The following PROM1 variants were observed in gnomAD, a reference collection of about 807,000 sequenced individuals.
PROM1 encodes prominin-1.
A neutral mutation model predicts 116.9 loss-of-function variants in PROM1; 105 were observed. The ratio of observed to expected loss-of-function variants is 0.90; its 90% CI spans 0.77 to 1.06. PROM1 has a LOEUF of 1.06. Among genes scored for constraint, PROM1 ranks in the 50% least tolerant of loss-of-function variants. PROM1 has a pLI of 0.00. For synonymous variants in PROM1, 393 were observed against 387.0 expected (o/e 1.02, Z -0.18); for missense variants, 1,122 against 1,045.2 (o/e 1.07, Z -1.01).
intron 2 of PROM1, among the ~76,000 whole-genome samples, chr4:16,041,290 T>C (rs921757207): frequency 4.6e-5 from 7 of 152,246 alleles, no homozygotes; most frequent in African/African-American, 1.7e-4. Context: ...TGATAAAGCA[T>C]TAAAAATTAT....
chr4:16,003,006 T>A (rs1724262236), intron 13 of PROM1, among the ~76,000 whole-genome samples: 1 of 152,178 alleles, frequency 6.6e-6, no homozygotes, highest in Non-Finnish European at 1.5e-5. Flanking sequence ...CGACAAAGAC[T>A]GTGTATGGCC....
chr4:16,012,768 G>A (rs2149269992), intron 11 of PROM1, among the ~76,000 whole-genome samples: 1 of 151,752 alleles, frequency 6.6e-6, no homozygotes, highest in South Asian at 2.1e-4. Context: ...CTACTCAGGA[G>A]GCTGAGGCAG....
intron 5 of PROM1, among the ~76,000 whole-genome samples, chr4:16,025,965 G>T (rs1054677086): frequency 3.3e-5 from 5 of 152,222 alleles, no homozygotes; most frequent in Non-Finnish European, 7.4e-5. Context: ...AAAAACAAGT[G>T]AAACGGTGGT....
chr4:16,005,689 A>G (rs1725297062), intron 13 of PROM1, among the ~76,000 whole-genome samples: 1 of 152,002 alleles, frequency 6.6e-6, no homozygotes, highest in Non-Finnish European at 1.5e-5. Context: ...TTGGTTCTTC[A>G]CTCCCCAAAG....
chr4:16,027,555 C>G (rs1483769224), intron 5 of PROM1, among the ~76,000 whole-genome samples: 1 of 152,130 alleles, frequency 6.6e-6, no homozygotes, highest in Non-Finnish European at 1.5e-5. Context: ...TTCACTTGAC[C>G]CTCACTGACC....
At chr4:16,078,972 G>A (rs1380651686) in intron 1 of PROM1, among the ~76,000 whole-genome samples, 1 of 152,098 alleles carries the variant, frequency 6.6e-6, no homozygotes, top group African/African-American at 2.4e-5. Context: ...TCAGGCCCAC[G>A]CTTCAGGTTA....
intron 17 of PROM1, 43 bp downstream of exon 17, chr4:15,992,205 T>A (rs762248630): frequency 1.3e-5 from 21 of 1,597,650 alleles, no homozygotes; most frequent in Non-Finnish European, 1.8e-5. Context: ...ATCTGACACT[T>A]TAATTTCTCC....
intron 11 of PROM1, 26 bp downstream of exon 11, chr4:16,013,249 A>G (rs974980483): frequency 6.3e-7 from 1 of 1,574,974 alleles, no homozygotes; most frequent in Admixed American, 1.7e-5. Context: ...ACCAATCACA[A>G]AATCACCTCA....
chr4:15,985,915 T>A lies in PROM1; in HGVS notation c.2211+42A>T, dbSNP rs149955366. 183 of 125,360 alleles carry A rather than the reference T, an allele frequency of 1.5e-3. No individual in the cohort carries two copies. In the East Asian group the frequency reaches 0.032, roughly 22 times the overall value. The allele number at this position is 125,360 out of a possible 1,614,324, so 7.8% of individuals were successfully genotyped here. On this transcript the variant is annotated intron_variant, in intron 21 of 27. Transcript: ENST00000447510. Reference sequence around the variant, plus strand: ...AAATATTTAATCTGTAACATTCAAGTGCCCACTTATGGACACGCTTACTTT... The same window carrying A: ...AAATATTTAATCTGTAACATTCAAGAGCCCACTTATGGACACGCTTACTTT...
chr4:16,055,854 CT>C (rs146190836), intron 2 of PROM1, among the ~76,000 whole-genome samples: 3,103 of 152,226 alleles, frequency 0.02, 109 homozygotes, highest in African/African-American at 0.071. Context: ...TTAATCGTAT[CT>C]TTTGGCTAAG....
At chr4:16,060,326 T>C (rs1471555820) in intron 2 of PROM1, among the ~76,000 whole-genome samples, 1 of 151,866 alleles carries the variant, frequency 6.6e-6, no homozygotes, top group Non-Finnish European at 1.5e-5. Flanking sequence ...TTTTTTTCCT[T>C]TGGGACAGGG....
chr4:15,985,759 C>A lies in PROM1; in HGVS notation c.2280+1G>T. 1 of 1,548,588 alleles carries A rather than the reference C, an allele frequency of 6.5e-7. No homozygotes were observed. Among genetic ancestry groups the A allele is most frequent in the Non-Finnish European group, 8.9e-7 (1 of 1,125,074 alleles). On this transcript the variant is annotated splice_donor_variant, in intron 22 of 27. Coordinates refer to ENST00000447510, the MANE Select transcript of PROM1 (RefSeq NM_006017.3). LOFTEE classifies it high-confidence loss of function. The stretch of plus-strand genomic sequence containing the variant: ...ACATTCATAAAAGATAAACTACTTA[C>A]AGAGAACTCGATCCACTGCAGATAA...
At chr4:16,043,974 G>A (rs977965023) in intron 2 of PROM1, among the ~76,000 whole-genome samples, 4 of 152,208 alleles carry the variant, frequency 2.6e-5, no homozygotes, top group Non-Finnish European at 5.9e-5. Context: ...AGGGGACAGC[G>A]CTGGCAGGAT....
chr4:16,032,667 G>A (rs889375347), intron 5 of PROM1, among the ~76,000 whole-genome samples: 21 of 152,134 alleles, frequency 1.4e-4, no homozygotes, highest in Non-Finnish European at 2.8e-4. Flanking sequence ...ATTTGGACTC[G>A]AAAAAACGTC....
rs1044980787 is a variant in PROM1 at position 16,023,527 on chromosome 4, A to G, written c.695-112T>C. The G allele has an allele frequency of 2.5e-5, 20 of 790,556 alleles. No individual in the cohort carries two copies. The South Asian group carries it at 3.3e-4, about 13-fold the overall frequency. The allele number at this position is 790,556 out of a possible 1,614,324, so 49.0% of individuals were successfully genotyped here. A position where few individuals can be genotyped will look rare whatever the true frequency, so the allele number is the denominator to read the frequency against. ...CCCTCCTGCTGCAAAACCCATTTGC[A>G]TCCTGGACCCTGTCTAGGGGTTAAA... On this transcript the variant is annotated intron_variant, in intron 7 of 27. Transcript: ENST00000447510.
chr4:16,039,071 G>T (rs1284394240), intron 2 of PROM1, 70 bp from the exon 3 acceptor site: 2 of 1,271,028 alleles, frequency 1.6e-6, no homozygotes, highest in East Asian at 2.9e-5. Flanking sequence ...TTTAGAAAAA[G>T]ATCTTTATAT....
rs1271770492 is a variant in PROM1 at position 15,987,698 on chromosome 4, C to T, written c.2095G>A (p.Val699Ile). The change falls in exon 20 of 28, where the codon GTC (valine) becomes ATC (isoleucine). Residue 699 changes from valine to isoleucine, a missense_variant. Coordinates refer to ENST00000447510, the MANE Select transcript of PROM1 (RefSeq NM_006017.3). Reference protein sequence around the residue: ...EQSLSTLYQSVKILQRTGNGL... With the variant: ...EQSLSTLYQSIKILQRTGNGL... ...TTCCCTGTGCGTTGAAGTATCTTGA[C>T]GCTTTGGTATAGAGTGCTCTGGCAA... The T allele has an allele frequency of 1.7e-5, 28 of 1,610,704 alleles. No individual in the cohort carries two copies. Among genetic ancestry groups the T allele is most frequent in the African/African-American group, 1.1e-4 (8 of 74,684 alleles).
chr4:16,011,766 CA>C (rs1427804713), intron 11 of PROM1, among the ~76,000 whole-genome samples: 1 of 152,092 alleles, frequency 6.6e-6, no homozygotes, highest in African/African-American at 2.4e-5. Context: ...TTATATTATG[CA>C]AAAGGAAACC....
At chr4:16,048,022 C>T (rs926792023) in intron 2 of PROM1, among the ~76,000 whole-genome samples, 2 of 152,186 alleles carry the variant, frequency 1.3e-5, no homozygotes, top group Non-Finnish European at 2.9e-5. Context: ...ATGGAAAATA[C>T]TAGAGCCAAA....
Sources: allele counts gnomAD v4.1 joint callset (sites outside exome capture counted in the v4.1 genomes callset), GRCh38; gene constraint gnomAD v4.1.1; transcripts MANE v1.5; gene names NCBI Gene and HGNC (gene_info 2026-07-23, HGNC 2026-07-21).